The following DST variants were observed in gnomAD, a reference collection of about 807,000 sequenced individuals.
The protein encoded by DST is bullous pemphigoid antigen.
DST carries 253 observed loss-of-function variants against 875.2 expected under a neutral mutation model. That is an observed-to-expected ratio of 0.29 (90% confidence interval 0.26 to 0.32). The LOEUF (loss-of-function observed/expected upper bound fraction) is 0.32. Among genes scored for constraint, DST ranks in the 10% least tolerant of loss-of-function variants. DST has a pLI of 1.00. For synonymous variants in DST, 3,124 were observed against 3,197.1 expected (o/e 0.98, Z 0.77); for missense variants, 8,287 against 9,111.6 (o/e 0.91, Z 3.68).
chr6:56,575,654 G>A (rs2097852633), intron 50 of DST, among the ~76,000 whole-genome samples: 2 of 152,112 alleles, frequency 1.3e-5, no homozygotes, highest in South Asian at 4.2e-4. Flanking sequence ...GGGGCCTTTG[G>A]AAGATGTGAT....
At position 56,888,043 on chromosome 6, in the gene DST, C is replaced by T. The variant is rs943199650; in HGVS notation, c.417+12378G>A. Among the ~76,000 whole-genome samples the T allele has an allele frequency of 1.0e-3, 155 of 151,584 alleles. 9 individuals are homozygous for T. The highest frequency in any genetic ancestry group is 1.3e-4 in the Admixed American group (2 of 15,224). On this transcript the variant is annotated intron_variant, in intron 3 of 103. Coordinates refer to ENST00000680361, the MANE Select transcript of DST (RefSeq NM_001374736.1). ...TCGGCTCACTGCAACCTCTGCCTCCCGGGTTCAAGCGATTCTCCTGCCTCA... is the reference window on the plus strand; with the variant it reads ...TCGGCTCACTGCAACCTCTGCCTCCTGGGTTCAAGCGATTCTCCTGCCTCA...
At chr6:56,555,944 T>G in intron 59 of DST, 104 bp from the exon 60 acceptor site, 1 of 1,269,244 alleles carries the variant, frequency 7.9e-7, no homozygotes, top group Non-Finnish European at 1.0e-6. Flanking sequence ...TTCTCCAGTT[T>G]TTGTTTTTTA....
chr6:56,760,085 A>G (rs1012992579), intron 4 of DST, among the ~76,000 whole-genome samples: 3 of 152,260 alleles, frequency 2.0e-5, no homozygotes, highest in Admixed American at 2.0e-4. Flanking sequence ...AGCAAAAAAG[A>G]AAATAACTTT....
At chr6:56,754,514 C>T (rs951017986) in intron 4 of DST, among the ~76,000 whole-genome samples, 1 of 152,118 alleles carries the variant, frequency 6.6e-6, no homozygotes, top group African/African-American at 2.4e-5. Flanking sequence ...CTCATTATCA[C>T]TAGTTTCTCC....
At chr6:56,603,177 A>G (rs1029671933) in intron 42 of DST, 28 bp downstream of exon 42, 6 of 1,566,374 alleles carry the variant, frequency 3.8e-6, no homozygotes, top group Non-Finnish European at 4.3e-6. Flanking sequence ...TTTCTTCATA[A>G]ATCAAAATTT....
chr6:56,780,426 T>C (rs1192743716), intron 4 of DST, among the ~76,000 whole-genome samples: 2 of 151,540 alleles, frequency 1.3e-5, no homozygotes, highest in Non-Finnish European at 2.9e-5. Context: ...TTCTAACTGG[T>C]GTGAGATGGT....
At chr6:56,835,727 C>A (rs1428749348) in intron 4 of DST, among the ~76,000 whole-genome samples, 3 of 152,178 alleles carry the variant, frequency 2.0e-5, no homozygotes, top group African/African-American at 4.8e-5. Context: ...GAAAATACAT[C>A]ATTACACTGG....
At chr6:56,668,692 T>C (rs1041025942) in intron 10 of DST, among the ~76,000 whole-genome samples, 2 of 151,924 alleles carry the variant, frequency 1.3e-5, no homozygotes, top group Non-Finnish European at 2.9e-5. Context: ...CACTTGAACC[T>C]GGGAGGCAGA....
At chr6:56,798,517 T>C (rs2099743000) in intron 4 of DST, among the ~76,000 whole-genome samples, 1 of 152,182 alleles carries the variant, frequency 6.6e-6, no homozygotes, top group Non-Finnish European at 1.5e-5. Flanking sequence ...TTTCAAAATA[T>C]TACTGCTATT....
intron 4 of DST, among the ~76,000 whole-genome samples, chr6:56,737,963 A>C (rs2152932785): frequency 6.6e-6 from 1 of 152,364 alleles, no homozygotes; most frequent in Non-Finnish European, 1.5e-5. Context: ...GTAAAGTGAT[A>C]CAATGGTCTG....
At chr6:56,593,200 T>C (rs1375694748) in intron 48 of DST, among the ~76,000 whole-genome samples, 1 of 152,068 alleles carries the variant, frequency 6.6e-6, no homozygotes, top group African/African-American at 2.4e-5. Flanking sequence ...AATACATTGT[T>C]CAGAAGTAAA....
In DST at chr6:56,552,862, T is replaced by A. The variant is rs1203843478; in HGVS notation, c.15930A>T (p.Lys5310Asn). ...DSLGSQAYSN[K>N]YLTMLQTQQK... Reference sequence around the variant, plus strand: ...GCTGAGTTTGCAACATGGTCAGGTATTTGTTACTGTAAGCCTGGGATCCCA... The same window carrying A: ...GCTGAGTTTGCAACATGGTCAGGTAATTGTTACTGTAAGCCTGGGATCCCA... The change falls in exon 61 of 104, where the codon AAA (lysine) becomes AAT (asparagine). Residue 5310 changes from lysine to asparagine, a missense_variant. This residue lies in a region of DST where 1,513 missense variants were observed against 1,677.8 expected (regional missense o/e 0.90). Transcript: ENST00000680361. The A allele has an allele frequency of 1.2e-6, 2 of 1,613,846 alleles. No individual in the cohort carries two copies. Among genetic ancestry groups the A allele is most frequent in the South Asian group, 2.2e-5 (2 of 91,084 alleles).
chr6:56,616,499 A>T, intron 36 of DST: 1 of 1,614,148 alleles, frequency 6.2e-7, no homozygotes, highest in Non-Finnish European at 8.5e-7. Context: ...CCTCTCCCCA[A>T]ATGGAAACAG....
At position 56,949,561 on chromosome 6, in the gene DST, T is replaced by G. The variant is rs1490648120; in HGVS notation, c.216+4224A>C. On this transcript the variant is annotated intron_variant, in intron 2 of 103. Coordinates refer to ENST00000680361, the MANE Select transcript of DST (RefSeq NM_001374736.1). ...AGGGCAGGGGCTCCATCTCTAACCC[T>G]TTGTTAGCCCTATTGTCTAACACAG... Among the ~76,000 whole-genome samples, 5 of 152,302 alleles carry G rather than the reference T, an allele frequency of 3.3e-5. No homozygotes were observed. In the South Asian group the frequency reaches 8.3e-4, roughly 25 times the overall value.
intron 51 of DST, among the ~76,000 whole-genome samples, chr6:56,573,465 T>C (rs2097809145): frequency 6.6e-6 from 1 of 152,174 alleles, no homozygotes; most frequent in Admixed American, 6.5e-5. Flanking sequence ...ATGAATAATA[T>C]TCAAGAAAAA....
chr6:56,461,741 A>G (rs1305861716), intron 102 of DST: 1 of 152,216 alleles, frequency 6.6e-6, no homozygotes, highest in Non-Finnish European at 1.5e-5. Flanking sequence ...TTTAAAGCAA[A>G]TGTTAATATG....
At chr6:56,476,842 C>T (rs951431469) in intron 91 of DST, among the ~76,000 whole-genome samples, 2 of 152,118 alleles carry the variant, frequency 1.3e-5, no homozygotes, top group East Asian at 3.9e-4. Context: ...ATCCCAGCTA[C>T]TCGGGAGGCT....
At position 56,832,868 on chromosome 6, in the gene DST, T is replaced by C. The variant is rs142231544; in HGVS notation, c.625+18529A>G. 1.9e-3 allele frequency among the ~76,000 whole-genome samples: 285 copies of C among 152,266 alleles called. 2 individuals are homozygous for C. The highest frequency in any genetic ancestry group is 6.1e-3 in the African/African-American group (252 of 41,566). ...GATTCTCCTGCCGCAGCCTCCTGAG[T>C]AGCTGGGATTACAGGTGTCCACCAC... On this transcript the variant is annotated intron_variant, in intron 4 of 103. Coordinates refer to ENST00000680361, the MANE Select transcript of DST (RefSeq NM_001374736.1).
At chr6:56,888,025 A>G (rs1785451050) in intron 3 of DST, among the ~76,000 whole-genome samples, 1 of 148,570 alleles carries the variant, frequency 6.7e-6, no homozygotes, top group Non-Finnish European at 1.5e-5. Context: ...ATCTCGGCTC[A>G]CTGCAACCTC....
Sources: allele counts gnomAD v4.1 joint callset (sites outside exome capture counted in the v4.1 genomes callset), GRCh38; gene constraint gnomAD v4.1.1; regional missense constraint gnomAD v4.1.1; transcripts MANE v1.5; gene names NCBI Gene and HGNC (gene_info 2026-07-23, HGNC 2026-07-21).